THSD7B: variants seen among roughly 807,000 people sequenced by gnomAD.
The protein encoded by THSD7B is thrombospondin type-1 domain-containing protein 7B.
THSD7B carries 138 observed loss-of-function variants against 213.6 expected under a neutral mutation model. The observed-to-expected ratio is 0.65, with a 90% CI of 0.56 to 0.74. THSD7B has a LOEUF of 0.74. Among genes scored for constraint, THSD7B ranks in the 30% least tolerant of loss-of-function variants. The pLI is 0.00. For missense variants in THSD7B, 1,931 were observed against 1,991.5 expected (o/e 0.97, Z 0.58); for synonymous variants, 742 against 687.0 (o/e 1.08, Z -1.25).
intron 12 of THSD7B, among the ~76,000 whole-genome samples, chr2:137,377,420 T>C (rs932500780): frequency 3.9e-5 from 6 of 152,282 alleles, no homozygotes; most frequent in South Asian, 2.1e-4. Flanking sequence ...AAAAAGTTAA[T>C]ATAAATGGTT....
intron 1 of THSD7B, among the ~76,000 whole-genome samples, chr2:136,851,699 T>A (rs1399701198): frequency 1.3e-5 from 2 of 152,100 alleles, no homozygotes; most frequent in Non-Finnish European, 1.5e-5. Context: ...TTTGGAGATA[T>A]AAGATGGCAA....
At chr2:136,832,286 C>G (rs1483532032) in intron 1 of THSD7B, among the ~76,000 whole-genome samples, 1 of 151,838 alleles carries the variant, frequency 6.6e-6, no homozygotes, top group Non-Finnish European at 1.5e-5. Flanking sequence ...GATATGCCAT[C>G]TGCAAGCTGG....
chr2:137,611,160 C>G (rs987606727), intron 17 of THSD7B, among the ~76,000 whole-genome samples: 1 of 151,704 alleles, frequency 6.6e-6, no homozygotes, highest in Admixed American at 6.6e-5. Flanking sequence ...TTTATCATTA[C>G]ATTAGTGGCC....
At chr2:137,315,191 G>A (rs1359085717) in intron 12 of THSD7B, among the ~76,000 whole-genome samples, 1 of 152,214 alleles carries the variant, frequency 6.6e-6, no homozygotes. Context: ...CAAGCCAGGT[G>A]CGGGATATAA....
chr2:137,430,341 T>C (rs1687149019), intron 14 of THSD7B, among the ~76,000 whole-genome samples: 1 of 152,198 alleles, frequency 6.6e-6, no homozygotes, highest in South Asian at 2.1e-4. Context: ...CTATATGAAC[T>C]GAAAGAGACA....
Position 137,415,664 on chromosome 2 carries a change from GTTTTTTTTTT to G in THSD7B, c.2959+3808_2959+3817del, listed in dbSNP as rs10563702. Among the ~76,000 whole-genome samples the G allele has an allele frequency of 4.6e-4, 37 of 80,104 alleles. No homozygotes were observed. The Admixed American group carries it at 5.5e-3, about 12-fold the overall frequency. The allele number at this position is 80,104 out of a possible 152,430, so 52.6% of individuals were successfully genotyped here. On this transcript the variant is annotated intron_variant, in intron 14 of 27. Transcript: ENST00000409968. Reference sequence around the variant, plus strand: ...TTCCAACCATGTTTCTTATATCAGTGTTTTTTTTTTTTTTTTTTTTTTTTTCAAAGAACAG... The same window carrying G: ...TTCCAACCATGTTTCTTATATCAGTGTTTTTTTTTTTTTTTCAAAGAACAG...
chr2:137,546,470 A>AT (rs1558834546), intron 15 of THSD7B, among the ~76,000 whole-genome samples: 18 of 53,238 alleles, frequency 3.4e-4, no homozygotes, highest in Admixed American at 6.9e-4. Context: ...TATAATATAT[A>AT]TATATATAAT....
chr2:137,037,942 A>T (rs1686808238), intron 2 of THSD7B, among the ~76,000 whole-genome samples: 1 of 151,804 alleles, frequency 6.6e-6, no homozygotes, highest in African/African-American at 2.4e-5. Context: ...AATCCCAAAT[A>T]TTTTATGTGT....
intron 14 of THSD7B, among the ~76,000 whole-genome samples, chr2:137,412,597 CAA>C (rs748551585): frequency 0.034 from 828 of 24,084 alleles, 24 homozygotes; most frequent in African/African-American, 0.081. Context: ...AACTCTGTCT[CAA>C]AAAAAAAAAA....
intron 15 of THSD7B, among the ~76,000 whole-genome samples, chr2:137,477,969 T>A (rs188462398): frequency 2.0e-5 from 3 of 152,236 alleles, no homozygotes; most frequent in Non-Finnish European, 4.4e-5. Context: ...TAATGGAGAT[T>A]CCCTTATAAG....
Position 136,991,032 on chromosome 2 carries a change from A to G in THSD7B, c.140-65388A>G, listed in dbSNP as rs1415601392. 3.0e-6 allele frequency: 3 copies of G among 1,008,076 alleles called. No individual in the cohort carries two copies. The African/African-American group carries it at 5.0e-5, about 17-fold the overall frequency. The allele number at this position is 1,008,076 out of a possible 1,614,324, so 62.4% of individuals were successfully genotyped here. On this transcript the variant is annotated intron_variant, in intron 2 of 27. Transcript: ENST00000409968. ...TACCTGTCCTCCCCAAAAAAGGAGA[A>G]AGAAAGATGGTTATGTGTTAAATAA...
intron 12 of THSD7B, among the ~76,000 whole-genome samples, chr2:137,372,437 G>A (rs183079767): frequency 2.3e-4 from 34 of 148,036 alleles, no homozygotes; most frequent in Middle Eastern, 3.6e-3. Flanking sequence ...ACGGGTGCCC[G>A]AGGTGGTTGA....
In THSD7B at chr2:137,279,261, T is replaced by G. The variant is rs555478394; in HGVS notation, c.2500+3235T>G. 3.9e-5 allele frequency among the ~76,000 whole-genome samples: 6 copies of G among 152,140 alleles called. No individual in the cohort carries two copies. The South Asian group carries it at 1.2e-3, about 32-fold the overall frequency. On this transcript the variant is annotated intron_variant, in intron 12 of 27. Coordinates refer to ENST00000409968, the MANE Select transcript of THSD7B (RefSeq NM_001316349.2). ...TATTTTTTAACATAAACTGGCCAGG[T>G]GTGATAGCTCATGCCTGTAATCTCA...
chr2:137,170,696 GA>G, intron 6 of THSD7B, 44 bp from the exon 7 acceptor site: 1 of 1,581,750 alleles, frequency 6.3e-7, no homozygotes, highest in South Asian at 1.1e-5. Context: ...TCCTTTCCTG[GA>G]AAAGAGTGGA....
At chr2:137,536,319 C>T (rs1458179392) in intron 15 of THSD7B, among the ~76,000 whole-genome samples, 1 of 151,278 alleles carries the variant, frequency 6.6e-6, no homozygotes, top group African/African-American at 2.4e-5. Flanking sequence ...CTCAAAAATT[C>T]ATGGGACTGT....
intron 7 of THSD7B, among the ~76,000 whole-genome samples, chr2:137,187,918 A>G (rs1037512886): frequency 8.6e-5 from 13 of 150,760 alleles, no homozygotes; most frequent in African/African-American, 3.2e-4. Flanking sequence ...TGTACTCCTG[A>G]TCTGAGATTT....
chr2:136,872,523 TTTTTTCTTTTCTTTTCTC>T (rs1350484085), intron 1 of THSD7B, among the ~76,000 whole-genome samples: 4 of 151,992 alleles, frequency 2.6e-5, no homozygotes, highest in Non-Finnish European at 5.9e-5. Flanking sequence ...TGATCTTTTA[TTTTTTCTTTTCTTTTCTC>T]TTTTTCTTTT....
chr2:137,271,450 A>AAT (rs1553433976), intron 10 of THSD7B, among the ~76,000 whole-genome samples: 2 of 133,686 alleles, frequency 1.5e-5, no homozygotes, highest in East Asian at 2.2e-4. Flanking sequence ...TATAATATAT[A>AAT]ATATAATATA....
In THSD7B at chr2:137,323,456, C is replaced by T. The variant is rs1684305823; in HGVS notation, c.2500+47430C>T. Reference sequence around the variant, plus strand: ...AACCTTACCACATCCTTCTACTATTCATTGAGATGTCATAAGATGCTCTTT... The same window carrying T: ...AACCTTACCACATCCTTCTACTATTTATTGAGATGTCATAAGATGCTCTTT... On this transcript the variant is annotated intron_variant, in intron 12 of 27. Coordinates refer to ENST00000409968, the MANE Select transcript of THSD7B (RefSeq NM_001316349.2). 6.6e-5 allele frequency among the ~76,000 whole-genome samples: 10 copies of T among 152,302 alleles called. No homozygotes were observed. In the South Asian group the frequency reaches 2.1e-3, roughly 32 times the overall value.
Sources: gnomAD v4.1 joint callset for allele counts (sites outside exome capture counted in the v4.1 genomes callset) on GRCh38, gnomAD v4.1.1 for gene constraint, MANE v1.5 for transcripts, NCBI Gene and HGNC (gene_info 2026-07-23, HGNC 2026-07-21) for gene names.